Variants in GAPVD1 observed in about 807,000 individuals in gnomAD.
GAPVD1 encodes GTPase-activating protein and VPS9 domain-containing protein 1.
A neutral mutation model predicts 155.5 loss-of-function variants in GAPVD1; 35 were observed. The observed-to-expected ratio is 0.23, with a 90% CI of 0.17 to 0.30. GAPVD1 has a LOEUF of 0.30. Among genes scored for constraint, GAPVD1 ranks in the 10% least tolerant of loss-of-function variants. GAPVD1 has a pLI of 1.00. For missense variants in GAPVD1, 1,429 were observed against 1,775.7 expected, an observed-to-expected ratio of 0.80 and a Z score of 3.51; for synonymous variants, 636 against 619.7, an observed-to-expected ratio of 1.03 and a Z score of -0.39.
intron 20 of GAPVD1, among the ~76,000 whole-genome samples, chr9:125,349,057 C>G (rs1479934857): frequency 6.6e-6 from 1 of 152,166 alleles, no homozygotes; most frequent in Non-Finnish European, 1.5e-5. Flanking sequence ...TTTTTGAAGC[C>G]TCTTTTAGTT....
chr9:125,305,228 G>C (rs1459283227), intron 6 of GAPVD1, 79 bp downstream of exon 6: 1 of 881,762 alleles, frequency 1.1e-6, no homozygotes, highest in African/African-American at 1.7e-5. Context: ...CTTGTCCTTA[G>C]GTGATATCTA....
intron 26 of GAPVD1, among the ~76,000 whole-genome samples, chr9:125,360,055 G>C (rs1384172610): frequency 6.6e-6 from 1 of 152,092 alleles, no homozygotes; most frequent in Non-Finnish European, 1.5e-5. Flanking sequence ...TTTTGAATCT[G>C]TTATTTCTGG....
intron 2 of GAPVD1, among the ~76,000 whole-genome samples, chr9:125,280,911 G>A (rs1326450593): frequency 6.6e-6 from 1 of 152,002 alleles, no homozygotes; most frequent in Non-Finnish European, 1.5e-5. Flanking sequence ...AAAAAGATTT[G>A]CTATTAGGTG....
intron 25 of GAPVD1, among the ~76,000 whole-genome samples, chr9:125,357,498 G>A (rs1446701789): frequency 1.3e-5 from 2 of 152,126 alleles, no homozygotes; most frequent in Admixed American, 6.5e-5. Context: ...AGGATCACTT[G>A]AACACAAGAG....
rs1851451140 is a variant in GAPVD1 at position 125,365,982 on chromosome 9, C to G, written c.*3236C>G. The stretch of plus-strand genomic sequence containing the variant: ...ATATTTAAACGTGTCAAACATTTTG[C>G]TTTCTTTCTCCATTTTAGGTAAAAT... On this transcript the variant is annotated 3_prime_UTR_variant, in exon 28 of 28. Transcript: ENST00000297933. 2 of 152,214 alleles carry G rather than the reference C, an allele frequency of 1.3e-5. No homozygotes were observed. 9.4% of individuals were successfully genotyped at this position (152,214 alleles called of 1,614,324 possible).
Position 125,337,077 on chromosome 9 carries a change from C to G in GAPVD1, c.2488C>G (p.Pro830Ala). Residue 830 changes from proline (P) to alanine (A), a missense_variant, in exon 16 of 28, where the codon CCA (proline) becomes GCA (alanine). Transcript: ENST00000297933. The stretch of plus-strand genomic sequence containing the variant: ...AGAGTCTCTGCTGGCCATGTTTGAT[C>G]CACTGTCTTCACATGAAGGTAAACC... ...QSESLLAMFD[P>A]LSSHEGASAV... The G allele has an allele frequency of 6.2e-7, 1 of 1,612,270 alleles. No homozygotes were observed. Among genetic ancestry groups the G allele is most frequent in the Non-Finnish European group, 8.5e-7 (1 of 1,178,304 alleles).
chr9:125,308,845 A>C (rs920462694), intron 8 of GAPVD1: 1 of 152,194 alleles, frequency 6.6e-6, no homozygotes, highest in African/African-American at 2.4e-5. Context: ...AGTACCCTTC[A>C]GCATACTAAG....
intron 2 of GAPVD1, among the ~76,000 whole-genome samples, chr9:125,274,985 T>G (rs1835528942): frequency 6.6e-6 from 1 of 152,208 alleles, no homozygotes; most frequent in Non-Finnish European, 1.5e-5. Context: ...AGGCATATTG[T>G]TCTGCAGTTT....
intron 10 of GAPVD1, among the ~76,000 whole-genome samples, chr9:125,321,836 A>AATAT (rs1844363712): frequency 1.3e-5 from 2 of 152,198 alleles, no homozygotes; most frequent in South Asian, 2.1e-4. Flanking sequence ...CTGCAGTATT[A>AATAT]ATATATACCA....
rs1025577516 is a variant in GAPVD1 at position 125,307,436 on chromosome 9, T to C, written c.1140T>C (p.Asp380=). The C allele has an allele frequency of 8.1e-6, 13 of 1,608,816 alleles. No individual in the cohort carries two copies. The highest frequency in any genetic ancestry group is 1.1e-5 in the Non-Finnish European group (13 of 1,177,966). Reference sequence around the variant, plus strand: ...AGAGCTGTGTTGCCGCTTTCCTTGATGTTGTGATTGGGGGCCGTGCAGTGG... The same window carrying C: ...AGAGCTGTGTTGCCGCTTTCCTTGACGTTGTGATTGGGGGCCGTGCAGTGG... ...FDKSCVAAFL[D]VVIGGRAVET... Residue 380 remains aspartate (D), a synonymous_variant, in exon 7 of 28, where the codon GAT becomes GAC. Transcript: ENST00000297933.
At chr9:125,287,254 TGGGCCG>T (rs1378945637) in intron 2 of GAPVD1, among the ~76,000 whole-genome samples, 2 of 151,994 alleles carry the variant, frequency 1.3e-5, no homozygotes, top group African/African-American at 4.8e-5. Context: ...AAAGTAAAAA[TGGGCCG>T]GGCGCAGTGG....
intron 1 of GAPVD1, among the ~76,000 whole-genome samples, chr9:125,264,301 T>G (rs1252042193): frequency 3.9e-5 from 6 of 152,114 alleles, no homozygotes; most frequent in African/African-American, 2.4e-5. Context: ...TTCAAGCGAT[T>G]CTTGTGCCTC....
At chr9:125,313,889 C>G (rs986458540) in intron 9 of GAPVD1, among the ~76,000 whole-genome samples, 4 of 152,272 alleles carry the variant, frequency 2.6e-5, no homozygotes, top group Non-Finnish European at 5.9e-5. Context: ...GTGTGAATCA[C>G]TGCACCCAGC....
At chr9:125,349,705 AT>A (rs1849034827) in intron 21 of GAPVD1, among the ~76,000 whole-genome samples, 186 bp downstream of exon 21, 1 of 152,066 alleles carries the variant, frequency 6.6e-6, no homozygotes, top group Non-Finnish European at 1.5e-5. Context: ...TAATTCAAGG[AT>A]TTAAAAAACT....
At chr9:125,332,124 T>C in intron 14 of GAPVD1, 64 bp downstream of exon 14, 1 of 1,438,416 alleles carries the variant, frequency 7.0e-7, no homozygotes, top group Non-Finnish European at 9.6e-7. Context: ...CCCTCCTATT[T>C]ATAAAGTTGA....
chr9:125,275,316 T>A (rs1835591873), intron 2 of GAPVD1, among the ~76,000 whole-genome samples: 1 of 152,214 alleles, frequency 6.6e-6, no homozygotes, highest in Admixed American at 6.5e-5. Context: ...CCTCAGGTGA[T>A]CCACCCACCT....
chr9:125,319,520 T>C (rs965621730), intron 9 of GAPVD1, among the ~76,000 whole-genome samples: 11 of 150,276 alleles, frequency 7.3e-5, no homozygotes, highest in Admixed American at 4.0e-4. Flanking sequence ...TTCTCCAGCC[T>C]CCTGAGCAGC....
At chr9:125,336,288 A>G (rs1846947668) in intron 15 of GAPVD1, among the ~76,000 whole-genome samples, 1 of 103,446 alleles carries the variant, frequency 9.7e-6, no homozygotes, top group African/African-American at 4.7e-5. Context: ...ATAGCTTGAG[A>G]CCAAAAAAAA....
rs1348119754 is a variant in GAPVD1, at chr9:125,354,845, A to G, written c.3757+4A>G. On this transcript the variant is annotated splice_donor_region_variant and intron_variant, in intron 24 of 27. Coordinates refer to ENST00000297933, the MANE Select transcript of GAPVD1 (RefSeq NM_001282680.3). ...AAGATCAGGGAATTCATTCAAGGTA[A>G]CTCAATACCTTTAGTTTAAGCATCT... The G allele has an allele frequency of 3.2e-6, 5 of 1,585,804 alleles. 1 individual carries two copies. In the East Asian group the frequency reaches 8.9e-5, roughly 28 times the overall value.
Sources: allele counts gnomAD v4.1 joint callset (sites outside exome capture counted in the v4.1 genomes callset), GRCh38; gene constraint gnomAD v4.1.1; transcripts MANE v1.5; gene names NCBI Gene and HGNC (gene_info 2026-07-23, HGNC 2026-07-21).